The following UBE2V2 variants were observed in gnomAD, a reference collection of about 807,000 sequenced individuals.
UBE2V2 encodes the protein ubiquitin conjugating enzyme E2 V2.
Under a neutral mutation model 17.2 loss-of-function variants are expected in UBE2V2, and 9 were observed. The observed-to-expected ratio is 0.52, with a 90% CI of 0.32 to 0.91. UBE2V2 has a LOEUF of 0.91. Among genes scored for constraint, UBE2V2 ranks in the 40% least tolerant of loss-of-function variants. The pLI is 0.04. For synonymous variants in UBE2V2, 61 were observed against 57.5 expected (o/e 1.06, Z -0.28); for missense variants, 133 against 182.6 (o/e 0.73, Z 1.56).
intron 1 of UBE2V2, among the ~76,000 whole-genome samples, chr8:48,024,817 A>C (rs2091329078): frequency 6.6e-6 from 1 of 152,220 alleles, no homozygotes. Flanking sequence ...ATGAGTAACA[A>C]AAATTTAGAA....
Position 48,063,310 on chromosome 8 carries a change from A to C in UBE2V2, c.*2482A>C, listed in dbSNP as rs1392181999. 3.9e-5 allele frequency: 6 copies of C among 152,242 alleles called. No homozygotes were observed. Among genetic ancestry groups the C allele is most frequent in the Admixed American group, 3.9e-4 (6 of 15,286 alleles). The allele number at this position is 152,242 out of a possible 1,614,324, so 9.4% of individuals were successfully genotyped here. A position where few individuals can be genotyped will look rare whatever the true frequency, so the allele number is the denominator to read the frequency against. Reference sequence around the variant, plus strand: ...ATGTCACAATCAAGATGTACTTGGCAATCTAAGACACACTGGGAGACTGTA... The same window carrying C: ...ATGTCACAATCAAGATGTACTTGGCCATCTAAGACACACTGGGAGACTGTA... On this transcript the variant is annotated 3_prime_UTR_variant, in exon 4 of 4. Transcript: ENST00000523111.
chr8:48,003,251 A>G, the UBE2V2 span, among the ~76,000 whole-genome samples: 1 of 151,966 alleles, frequency 6.6e-6, no homozygotes, highest in Non-Finnish European at 1.5e-5. Flanking sequence ...TAGTTCTCAG[A>G]TAACAGAATT....
intron 1 of UBE2V2, among the ~76,000 whole-genome samples, chr8:48,013,885 A>G (rs1191949891): frequency 2.0e-5 from 3 of 152,228 alleles, no homozygotes; most frequent in African/African-American, 7.2e-5. Context: ...CTGTGCCACC[A>G]TGGGCATGTC....
chr8:48,005,318 A>G (rs1036969020), upstream of UBE2V2, among the ~76,000 whole-genome samples: 14 of 152,138 alleles, frequency 9.2e-5, no homozygotes, highest in African/African-American at 1.2e-4. Flanking sequence ...GGTTTCCAGC[A>G]TCATCCATGT....
At chr8:48,021,261 T>G (rs2091303022) in intron 1 of UBE2V2, among the ~76,000 whole-genome samples, 1 of 150,924 alleles carries the variant, frequency 6.6e-6, no homozygotes, top group Non-Finnish European at 1.5e-5. Flanking sequence ...GTATTTTTAG[T>G]AGAGACAGGG....
At chr8:48,031,252 CAACTT>C (rs1305818190) in intron 1 of UBE2V2, among the ~76,000 whole-genome samples, 4 of 152,038 alleles carry the variant, frequency 2.6e-5, no homozygotes, top group Admixed American at 6.6e-5. Context: ...AACAAAAAAA[CAACTT>C]AGCCTTTCCT....
intron 3 of UBE2V2, among the ~76,000 whole-genome samples, chr8:48,058,377 A>C (rs1194955148): frequency 6.6e-6 from 1 of 151,864 alleles, no homozygotes; most frequent in African/African-American, 2.4e-5. Context: ...CTGAGGCAGG[A>C]GAATCGCTTG....
intron 1 of UBE2V2, among the ~76,000 whole-genome samples, chr8:48,012,445 G>A (rs1408838605): frequency 6.6e-6 from 1 of 152,158 alleles, no homozygotes; most frequent in East Asian, 1.9e-4. Flanking sequence ...CAGGCCGGGT[G>A]GGGTGGCTCA....
rs911992637 is a variant in UBE2V2, at chr8:48,062,846, CACAT to C, written c.*2026_*2029del. 3 of 152,036 alleles carry C rather than the reference CACAT, an allele frequency of 2.0e-5. No homozygotes were observed. The highest frequency in any genetic ancestry group is 4.4e-5 in the Non-Finnish European group (3 of 68,012). 9.4% of individuals were successfully genotyped at this position (152,036 alleles called of 1,614,324 possible). On this transcript the variant is annotated 3_prime_UTR_variant, in exon 4 of 4. Transcript: ENST00000523111. ...TTTAAGATGACACATAGAGAACATA[CACAT>C]ACATACAAATTAGTGCATTTGTAAT... is the stretch of plus-strand genomic sequence containing the variant.
intron 1 of UBE2V2, among the ~76,000 whole-genome samples, chr8:48,034,128 CT>C (rs895844431): frequency 1.0e-3 from 139 of 136,036 alleles, no homozygotes; most frequent in Non-Finnish European, 8.8e-4. Context: ...TTTTCTTTTC[CT>C]TTTTTTTTTT....
chr8:48,043,848 C>G (rs2091480675), intron 2 of UBE2V2, among the ~76,000 whole-genome samples: 1 of 151,786 alleles, frequency 6.6e-6, no homozygotes. Context: ...GCAACTGGCC[C>G]ATTGTACTTT....
intron 2 of UBE2V2, among the ~76,000 whole-genome samples, chr8:48,045,906 G>A (rs1433574100): frequency 6.6e-6 from 1 of 152,026 alleles, no homozygotes; most frequent in Non-Finnish European, 1.5e-5. Context: ...TTGTCCCCAG[G>A]GTAGAGTATC....
chr8:48,020,667 C>G (rs2091298723), intron 1 of UBE2V2, among the ~76,000 whole-genome samples: 2 of 152,046 alleles, frequency 1.3e-5, no homozygotes. Flanking sequence ...TTGCTCTGAC[C>G]TGGTCATAGC....
At chr8:48,040,891 G>A (rs2091458264) in intron 1 of UBE2V2, among the ~76,000 whole-genome samples, 1 of 126,368 alleles carries the variant, frequency 7.9e-6, no homozygotes, top group Non-Finnish European at 1.6e-5. Context: ...GTGAGACAGA[G>A]TCTCACTCTG....
intron 1 of UBE2V2, among the ~76,000 whole-genome samples, chr8:48,021,849 G>A (rs191604828): frequency 2.7e-5 from 4 of 150,702 alleles, no homozygotes; most frequent in African/African-American, 9.8e-5. Context: ...CACCATGTCT[G>A]GCTAATTTTT....
chr8:48,051,201 G>A (rs1270916270), intron 3 of UBE2V2, among the ~76,000 whole-genome samples: 1 of 152,110 alleles, frequency 6.6e-6, no homozygotes, highest in Non-Finnish European at 1.5e-5. Flanking sequence ...AAGTTAGTTA[G>A]TAGAAACAGC....
chr8:48,035,098 C>G (rs2091412814), intron 1 of UBE2V2: 1 of 974,120 alleles, frequency 1.0e-6, no homozygotes, highest in Non-Finnish European at 1.2e-6. Context: ...TGCTGCTTCC[C>G]TATTTATTCT....
At chr8:48,011,559 T>C (rs2091231605) in intron 1 of UBE2V2, among the ~76,000 whole-genome samples, 1 of 152,244 alleles carries the variant, frequency 6.6e-6, no homozygotes, top group East Asian at 1.9e-4. Flanking sequence ...CTGACAAATA[T>C]GTTTTGATCT....
At chr8:48,019,852 A>G (rs550655064) in intron 1 of UBE2V2, among the ~76,000 whole-genome samples, 117 of 151,922 alleles carry the variant, frequency 7.7e-4, no homozygotes, top group African/African-American at 2.5e-3. Flanking sequence ...CCATATGCCT[A>G]TAATTCCACT....
Sources: gnomAD v4.1 joint callset for allele counts (sites outside exome capture counted in the v4.1 genomes callset) on GRCh38, gnomAD v4.1.1 for gene constraint, MANE v1.5 for transcripts, NCBI Gene and HGNC (gene_info 2026-07-23, HGNC 2026-07-21) for gene names.